The following PTPRG variants were observed in gnomAD, a reference collection of about 807,000 sequenced individuals.
PTPRG encodes the protein protein tyrosine phosphatase receptor type G, also known as receptor-type tyrosine-protein phosphatase gamma.
In PTPRG, 102 loss-of-function variants were observed where a neutral mutation model predicts 165.3. The ratio of observed to expected loss-of-function variants is 0.62; its 90% CI spans 0.53 to 0.73. PTPRG has a LOEUF of 0.73. PTPRG is among the 30% of genes least tolerant of loss of function. The probability of loss-of-function intolerance (pLI) is 0.00; values close to 1 mark genes in which losing one functional copy is unlikely to be tolerated. For synonymous variants in PTPRG, 675 were observed against 669.5 expected (o/e 1.01, Z -0.13); for missense variants, 1,866 against 1,861.4 (o/e 1.00, Z -0.05).
Position 61,622,704 on chromosome 3 carries a change from C to T in PTPRG, c.85+60332C>T, listed in dbSNP as rs183136490. Among the ~76,000 whole-genome samples, 244 of 152,192 alleles carry T rather than the reference C, an allele frequency of 1.6e-3. 1 individual carries two copies. The highest frequency in any genetic ancestry group is 2.5e-3 in the Non-Finnish European group (171 of 67,992). ...TTTCGTGTCTTTTGGAATCTGTTTT[C>T]TGGTTTTGTGCCTTCAGTAATAGTC... On this transcript the variant is annotated intron_variant, in intron 1 of 29. Coordinates refer to ENST00000474889, the MANE Select transcript of PTPRG (RefSeq NM_002841.4).
At chr3:62,144,782 G>A (rs1265863665) in intron 6 of PTPRG, among the ~76,000 whole-genome samples, 1 of 152,106 alleles carries the variant, frequency 6.6e-6, no homozygotes, top group Non-Finnish European at 1.5e-5. Flanking sequence ...TTCTTAGCCA[G>A]GAAATGGGAT....
Position 62,277,515 on chromosome 3 carries a change from C to T in PTPRG, c.3637-36C>T, listed in dbSNP as rs1419204987. Reference sequence around the variant, plus strand: ...TACCACAAAGTTAGAATAAAACACTCATATTCACTGATTTTTTTTGTCTTC... The same window carrying T: ...TACCACAAAGTTAGAATAAAACACTTATATTCACTGATTTTTTTTGTCTTC... On this transcript the variant is annotated intron_variant, in intron 25 of 29. Coordinates refer to ENST00000474889, the MANE Select transcript of PTPRG (RefSeq NM_002841.4). 11 of 1,598,682 alleles carry T rather than the reference C, an allele frequency of 6.9e-6. 1 individual carries two copies. Among genetic ancestry groups the T allele is most frequent in the Admixed American group, 1.7e-5 (1 of 59,756 alleles).
chr3:62,189,529 C>A (rs143941829), intron 8 of PTPRG, among the ~76,000 whole-genome samples: 1 of 152,192 alleles, frequency 6.6e-6, no homozygotes, highest in Non-Finnish European at 1.5e-5. Context: ...ACTTCTTACC[C>A]GGTTCCTGCA....
chr3:62,128,892 A>G (rs2106916473), intron 5 of PTPRG, among the ~76,000 whole-genome samples: 1 of 152,072 alleles, frequency 6.6e-6, no homozygotes, highest in African/African-American at 2.4e-5. Flanking sequence ...AGTTAGGGTT[A>G]TGCCTGACTG....
rs1376579807 is a variant in PTPRG, at chr3:61,877,572, T to G, written c.191-112053T>G. Among the ~76,000 whole-genome samples, 3 of 152,198 alleles carry G rather than the reference T, an allele frequency of 2.0e-5. No homozygotes were observed. The East Asian group carries it at 5.8e-4, about 29-fold the overall frequency. On this transcript the variant is annotated intron_variant, in intron 2 of 29. Transcript: ENST00000474889. ...GGTTAATGCAAGCATACTAAACAGA[T>G]TAAATCTCAATAGTTTTTGTGTATA... is the stretch of plus-strand genomic sequence containing the variant.
intron 1 of PTPRG, among the ~76,000 whole-genome samples, chr3:61,661,918 A>G (rs926590693): frequency 1.4e-4 from 22 of 152,232 alleles, no homozygotes; most frequent in Non-Finnish European, 2.8e-4. Flanking sequence ...TTAAATTTTA[A>G]TAAGCACCAG....
intron 1 of PTPRG, among the ~76,000 whole-genome samples, chr3:61,683,128 A>AT (rs1334969176): frequency 6.6e-6 from 1 of 151,246 alleles, no homozygotes; most frequent in Non-Finnish European, 1.5e-5. Context: ...GTGAGTCATT[A>AT]TGGAATCTTT....
chr3:61,958,862 C>T (rs531153552), intron 2 of PTPRG, among the ~76,000 whole-genome samples: 2 of 152,292 alleles, frequency 1.3e-5, no homozygotes, highest in East Asian at 1.9e-4. Context: ...GAAATCCACA[C>T]GAACTTACTT....
intron 1 of PTPRG, among the ~76,000 whole-genome samples, chr3:61,739,720 G>T (rs1575622819): frequency 6.6e-6 from 1 of 152,212 alleles, no homozygotes; most frequent in Non-Finnish European, 1.5e-5. Flanking sequence ...TAATTGACTT[G>T]ATTTAGTAAA....
chr3:62,044,026 A>G (rs1160284403), intron 4 of PTPRG, among the ~76,000 whole-genome samples: 1 of 152,196 alleles, frequency 6.6e-6, no homozygotes, highest in African/African-American at 2.4e-5. Context: ...GCTCCCAATG[A>G]TAATGGAGTC....
chr3:62,152,967 A>C (rs181700620), intron 6 of PTPRG, among the ~76,000 whole-genome samples: 12 of 152,368 alleles, frequency 7.9e-5, no homozygotes, highest in Non-Finnish European at 8.8e-5. Flanking sequence ...ATTCCTAATT[A>C]AGTGAAATGT....
chr3:61,960,750 A>G (rs1018561597), intron 2 of PTPRG, among the ~76,000 whole-genome samples: 1 of 152,158 alleles, frequency 6.6e-6, no homozygotes, highest in African/African-American at 2.4e-5. Flanking sequence ...TTTGTCATTA[A>G]GTAATTATAG....
intron 2 of PTPRG, among the ~76,000 whole-genome samples, chr3:61,860,340 C>A (rs956937123): frequency 2.1e-5 from 3 of 144,790 alleles, no homozygotes; most frequent in African/African-American, 8.0e-5. Context: ...TCCTTCCCAG[C>A]CCGTGAAAGC....
At chr3:62,094,513 T>C (rs1702045131) in intron 5 of PTPRG, among the ~76,000 whole-genome samples, 2 of 152,342 alleles carry the variant, frequency 1.3e-5, no homozygotes, top group African/African-American at 4.8e-5. Context: ...AGACATTCCG[T>C]TGAATACCTA....
intron 2 of PTPRG, among the ~76,000 whole-genome samples, chr3:61,900,339 C>T (rs2038466125): frequency 6.6e-6 from 1 of 152,152 alleles, no homozygotes; most frequent in Non-Finnish European, 1.5e-5. Flanking sequence ...AAATAAATGA[C>T]TTCTACCATT....
At chr3:61,688,517 C>A (rs926749247) in intron 1 of PTPRG, among the ~76,000 whole-genome samples, 2 of 152,178 alleles carry the variant, frequency 1.3e-5, no homozygotes, top group African/African-American at 4.8e-5. Context: ...TGATTAGTTG[C>A]ACGGCGGGGA....
intron 2 of PTPRG, among the ~76,000 whole-genome samples, chr3:61,814,838 A>C (rs2035706221): frequency 6.6e-6 from 1 of 151,518 alleles, no homozygotes; most frequent in Non-Finnish European, 1.5e-5. Context: ...GCATATTGTT[A>C]AGTGATTTGC....
chr3:62,252,053 T>C lies in PTPRG; in HGVS notation c.2468-3071T>C, dbSNP rs1701430155. On this transcript the variant is annotated intron_variant, in intron 15 of 29. Transcript: ENST00000474889. This position sits in a 1 kb window ranked among gnomAD's most constrained non-coding sequence, Gnocchi z 4.6. ...TACCATAATAATCTCTCATTTAATC[T>C]GTTGTCAGTGAAAACATCTTCACTT... is the stretch of plus-strand genomic sequence containing the variant. Among the ~76,000 whole-genome samples, 1 of 152,240 alleles carries C rather than the reference T, an allele frequency of 6.6e-6. No homozygotes were observed. Among genetic ancestry groups the C allele is most frequent in the Non-Finnish European group, 1.5e-5 (1 of 68,036 alleles).
intron 2 of PTPRG, among the ~76,000 whole-genome samples, chr3:61,942,764 A>C (rs2039664946): frequency 6.6e-6 from 1 of 152,224 alleles, no homozygotes; most frequent in Non-Finnish European, 1.5e-5. Context: ...CCAAATCTCA[A>C]AAGTATTGCT....
Sources: gnomAD v4.1 joint callset for allele counts (sites outside exome capture counted in the v4.1 genomes callset) on GRCh38, gnomAD v4.1.1 for gene constraint, Gnocchi (gnomAD v3.1) non-coding constraint, MANE v1.5 for transcripts, NCBI Gene and HGNC (gene_info 2026-07-23, HGNC 2026-07-21) for gene names.